ASIC2: variants seen among roughly 807,000 people sequenced by gnomAD.
The protein encoded by ASIC2 is acid-sensing ion channel 2.
In ASIC2, 25 loss-of-function variants were observed where a neutral mutation model predicts 57.3. The ratio of observed to expected loss-of-function variants is 0.44; its 90% CI spans 0.32 to 0.61. The LOEUF (loss-of-function observed/expected upper bound fraction) is 0.61, where lower values mean the gene tolerates loss of function less well. ASIC2 is among the 20% of genes least tolerant of loss of function. The pLI is 0.06. For missense variants in ASIC2, 641 were observed against 738.1 expected (o/e 0.87, Z 1.52); for synonymous variants, 319 against 307.5 (o/e 1.04, Z -0.39).
At chr17:33,899,294 G>C (rs969840760) in intron 1 of ASIC2, among the ~76,000 whole-genome samples, 2 of 152,180 alleles carry the variant, frequency 1.3e-5, no homozygotes, top group Non-Finnish European at 2.9e-5. Flanking sequence ...CCGAGATGGG[G>C]GTAGTGAAGC....
At chr17:33,926,645 T>G (rs1218186549) in intron 1 of ASIC2, among the ~76,000 whole-genome samples, 1 of 152,192 alleles carries the variant, frequency 6.6e-6, no homozygotes, top group Non-Finnish European at 1.5e-5. Flanking sequence ...AAGCAACCAT[T>G]TTCTTATACT....
chr17:33,177,206 T>G (rs1287331866), intron 1 of ASIC2, among the ~76,000 whole-genome samples: 1 of 152,222 alleles, frequency 6.6e-6, no homozygotes, highest in East Asian at 1.9e-4. Flanking sequence ...TGTGTTCCAC[T>G]GGCCTCTGAT....
chr17:33,514,407 G>A (rs866262677), intron 1 of ASIC2, among the ~76,000 whole-genome samples: 46 of 151,958 alleles, frequency 3.0e-4, no homozygotes, highest in African/African-American at 7.0e-4. Flanking sequence ...CAACCTCATC[G>A]CGGTCCTTGC....
At chr17:33,149,289 T>C (rs932691307) in intron 1 of ASIC2, among the ~76,000 whole-genome samples, 4 of 152,234 alleles carry the variant, frequency 2.6e-5, no homozygotes, top group Admixed American at 6.5e-5. Flanking sequence ...TGTCTTTTTT[T>C]CTAACATATG....
intron 1 of ASIC2, among the ~76,000 whole-genome samples, chr17:34,050,705 T>C (rs766299449): frequency 5.9e-5 from 9 of 152,222 alleles, no homozygotes; most frequent in African/African-American, 2.2e-4. Context: ...AAGCAGCTTA[T>C]AGACCACATA....
intron 1 of ASIC2, among the ~76,000 whole-genome samples, chr17:33,146,460 C>T (rs1904568769): frequency 1.3e-5 from 2 of 152,162 alleles, no homozygotes; most frequent in Admixed American, 1.3e-4. Flanking sequence ...TAGGTCCTCC[C>T]AGAGGGCACC....
intron 1 of ASIC2, among the ~76,000 whole-genome samples, chr17:33,677,119 G>A (rs574912715): frequency 7.2e-5 from 11 of 151,970 alleles, no homozygotes; most frequent in Non-Finnish European, 1.6e-4. Flanking sequence ...CCAGTCTCAG[G>A]TATTTCTTGG....
chr17:33,070,995 C>T (rs1439303822), intron 3 of ASIC2, among the ~76,000 whole-genome samples: 1 of 151,780 alleles, frequency 6.6e-6, no homozygotes, highest in East Asian at 1.9e-4. Flanking sequence ...CTTTATTCCT[C>T]TGTAGGTAAT....
intron 5 of ASIC2, among the ~76,000 whole-genome samples, chr17:33,025,568 C>T (rs116094073): frequency 6.6e-6 from 1 of 152,244 alleles, no homozygotes; most frequent in African/African-American, 2.4e-5. Flanking sequence ...CTGATGCCTA[C>T]CTGGCTGCCC....
chr17:33,068,147 G>T (rs992769798), intron 3 of ASIC2, among the ~76,000 whole-genome samples: 2 of 152,126 alleles, frequency 1.3e-5, no homozygotes, highest in Non-Finnish European at 2.9e-5. Flanking sequence ...TGGACCTGGG[G>T]GGGTGGAAGG....
intron 1 of ASIC2, among the ~76,000 whole-genome samples, chr17:33,242,989 C>T (rs1416106611): frequency 1.3e-5 from 2 of 152,194 alleles, no homozygotes; most frequent in African/African-American, 2.4e-5. Flanking sequence ...GAAGCACATG[C>T]CATTTCTGTT....
intron 1 of ASIC2, among the ~76,000 whole-genome samples, chr17:33,255,576 C>T (rs913251863): frequency 2.3e-5 from 3 of 128,498 alleles, no homozygotes; most frequent in Non-Finnish European, 3.1e-5. Context: ...CTGGTTACAT[C>T]AAGAGGAGGG....
chr17:34,050,303 T>G (rs1193171219), intron 1 of ASIC2, among the ~76,000 whole-genome samples: 1 of 152,146 alleles, frequency 6.6e-6, no homozygotes, highest in African/African-American at 2.4e-5. Context: ...TTTTACAACT[T>G]CAAAAGCATG....
chr17:33,144,348 G>C (rs1045638832), intron 1 of ASIC2, among the ~76,000 whole-genome samples: 1 of 152,030 alleles, frequency 6.6e-6, no homozygotes, highest in Non-Finnish European at 1.5e-5. Flanking sequence ...GAGAAAGAGA[G>C]AGAGCGGGTG....
At chr17:33,741,535 T>C (rs1910111272) in intron 1 of ASIC2, among the ~76,000 whole-genome samples, 1 of 152,092 alleles carries the variant, frequency 6.6e-6, no homozygotes, top group African/African-American at 2.4e-5. Flanking sequence ...ACCCTGGAGA[T>C]TCCAAGGGGG....
intron 1 of ASIC2, among the ~76,000 whole-genome samples, chr17:33,865,284 C>A (rs968244150): frequency 1.3e-5 from 2 of 152,196 alleles, no homozygotes; most frequent in African/African-American, 4.8e-5. Context: ...ACATTTTGTT[C>A]CATTTCCATT....
intron 3 of ASIC2, among the ~76,000 whole-genome samples, chr17:33,028,748 A>G (rs2091869024): frequency 6.6e-6 from 1 of 151,970 alleles, no homozygotes; most frequent in South Asian, 2.1e-4. Context: ...TACCCCCACC[A>G]TGTCTTCCCA....
chr17:34,100,315 T>C (rs1434589399), intron 1 of ASIC2, among the ~76,000 whole-genome samples: 4 of 152,198 alleles, frequency 2.6e-5, no homozygotes, highest in Admixed American at 1.3e-4. Context: ...GCCTGGTTTA[T>C]AATGCAGTTT....
At chr17:33,277,513 G>T (rs1904753108) in intron 1 of ASIC2, among the ~76,000 whole-genome samples, 1 of 152,228 alleles carries the variant, frequency 6.6e-6, no homozygotes, top group Non-Finnish European at 1.5e-5. Flanking sequence ...GTTCTCTGCG[G>T]AACACAATGC....
Sources: allele counts gnomAD v4.1 joint callset (sites outside exome capture counted in the v4.1 genomes callset), GRCh38; gene constraint gnomAD v4.1.1; transcripts MANE v1.5; gene names NCBI Gene and HGNC (gene_info 2026-07-23, HGNC 2026-07-21).